Variants in EEA1 observed in about 807,000 individuals in gnomAD.
EEA1 encodes the protein early endosome antigen 1, 162kD.
EEA1 carries 111 observed loss-of-function variants against 209.2 expected under a neutral mutation model. The ratio of observed to expected loss-of-function variants is 0.53; its 90% CI spans 0.45 to 0.62. The LOEUF (loss-of-function observed/expected upper bound fraction) is 0.62, where lower values mean the gene tolerates loss of function less well. Ranked by LOEUF, EEA1 falls within the 20% of genes least tolerant of loss-of-function variation. The pLI, the probability that EEA1 is intolerant of heterozygous loss-of-function variation, is 0.00. For synonymous variants in EEA1, 536 were observed against 540.6 expected (o/e 0.99, Z 0.12); for missense variants, 1,343 against 1,530.8 (o/e 0.88, Z 2.05).
Position 92,776,825 on chromosome 12 carries a change from C to T in EEA1, c.4113+19G>A, listed in dbSNP as rs1369600918. ...CAAATGAAATCCAGAAACATAGTTA[C>T]ATGAACAAAATTATTTACCCGTCTC... On this transcript the variant is annotated intron_variant, in intron 28 of 28. Coordinates refer to ENST00000322349, the MANE Select transcript of EEA1 (RefSeq NM_003566.4). 1 of 1,600,968 alleles carries T rather than the reference C, an allele frequency of 6.2e-7. No homozygotes were observed. The highest frequency in any genetic ancestry group is 1.7e-5 in the Admixed American group (1 of 59,760).
intron 2 of EEA1, among the ~76,000 whole-genome samples, chr12:92,869,006 A>T (rs2136728181): frequency 1.7e-4 from 4 of 23,434 alleles, no homozygotes; most frequent in South Asian, 4.5e-3. Flanking sequence ...TGGGTAGATT[A>T]AAAAAAAAAG....
intron 19 of EEA1, among the ~76,000 whole-genome samples, chr12:92,801,934 T>C (rs1304373873): frequency 1.3e-5 from 2 of 151,944 alleles, no homozygotes; most frequent in African/African-American, 4.8e-5. Flanking sequence ...CAATGGCATA[T>C]TTTAAACATT....
chr12:92,846,832 T>C (rs536579837), intron 9 of EEA1, among the ~76,000 whole-genome samples: 52 of 152,370 alleles, frequency 3.4e-4, no homozygotes, highest in African/African-American at 1.2e-3. Flanking sequence ...CCAGATTATG[T>C]ATCTTCAGCC....
intron 2 of EEA1, among the ~76,000 whole-genome samples, chr12:92,881,870 C>T (rs954270944): frequency 6.6e-6 from 1 of 152,114 alleles, no homozygotes; most frequent in Non-Finnish European, 1.5e-5. Context: ...CCTCGAACAC[C>T]GCAAGTTTGA....
chr12:92,857,974 T>A (rs147506269), intron 3 of EEA1: 1 of 292,000 alleles, frequency 3.4e-6, no homozygotes, highest in Non-Finnish European at 6.5e-6. Flanking sequence ...TACGCCCTGA[T>A]ACTGCGCACT....
Position 92,919,615 on chromosome 12 carries a change from A to C in EEA1, c.24+9428T>G, listed in dbSNP as rs1381069591. Among the ~76,000 whole-genome samples the C allele has an allele frequency of 1.0e-4, 15 of 149,798 alleles. No individual in the cohort carries two copies. The East Asian group carries it at 1.4e-3, about 14-fold the overall frequency. ...CGTATTTCAAAATAATAAGAGCTAT[A>C]TATGACAAACCCACAGCCAATATCA... On this transcript the variant is annotated intron_variant, in intron 1 of 28. Transcript: ENST00000322349.
chr12:92,776,183 A>G, intron 28 of EEA1, 50 bp from the exon 29 acceptor site: 2 of 1,541,002 alleles, frequency 1.3e-6, no homozygotes, highest in Non-Finnish European at 1.8e-6. Flanking sequence ...CTATACCAAA[A>G]GTATTATGAA....
chr12:92,848,722 C>CA (rs1877483861), intron 9 of EEA1, among the ~76,000 whole-genome samples: 1 of 64,574 alleles, frequency 1.5e-5, no homozygotes, highest in Non-Finnish European at 2.7e-5. Flanking sequence ...ATATTCTCAC[C>CA]TTTTTTTTTT....
chr12:92,904,537 G>T (rs1880288201), intron 1 of EEA1, among the ~76,000 whole-genome samples: 1 of 152,088 alleles, frequency 6.6e-6, no homozygotes, highest in South Asian at 2.1e-4. Flanking sequence ...CAGACTAAGG[G>T]ATCAGTCCCT....
At chr12:92,920,989 C>T (rs1373469699) in intron 1 of EEA1, among the ~76,000 whole-genome samples, 2 of 151,184 alleles carry the variant, frequency 1.3e-5, no homozygotes, top group Admixed American at 6.6e-5. Context: ...CCAAAAAACA[C>T]ATGAAAAAAT....
At chr12:92,857,950 G>A (rs1877957580) in intron 3 of EEA1, 2 of 232,284 alleles carry the variant, frequency 8.6e-6, no homozygotes, top group Non-Finnish European at 8.3e-6. Flanking sequence ...GGTTCACTCT[G>A]CACCACCATT....
chr12:92,887,099 A>G (rs900677237), intron 2 of EEA1, among the ~76,000 whole-genome samples: 15 of 152,222 alleles, frequency 9.9e-5, no homozygotes, highest in African/African-American at 3.6e-4. Context: ...ATGGCATATT[A>G]AACAGCAGGT....
chr12:92,798,929 G>A lies in EEA1; in HGVS notation c.2930C>T (p.Ala977Val). The A allele has an allele frequency of 6.2e-7, 1 of 1,610,474 alleles. No individual in the cohort carries two copies. Residue 977 changes from alanine (A) to valine (V), a missense_variant, in exon 21 of 29, where the codon GCA becomes GTA. Physicochemically the swap from Ala to Val is moderately conservative, Grantham distance 64. This residue lies in a region of EEA1 where 1,307 missense variants were observed against 1,465.5 expected (regional missense o/e 0.89). Transcript: ENST00000322349. The stretch of plus-strand genomic sequence containing the variant: ...AGCAATTTTAAGCTCTCCTTGGAGT[G>A]CTTCAATTTGTTTTTTCTTCTGTTC... ...SSEQKKKQIE[A>V]LQGELKIAVL... is the part of the protein sequence containing the mutation.
chr12:92,898,731 CTTTTTTTTTTTTTTTTT>C (rs772593153), intron 1 of EEA1, among the ~76,000 whole-genome samples: 3 of 76,114 alleles, frequency 3.9e-5, no homozygotes, highest in Admixed American at 1.6e-4. Context: ...CTTTTTTTCC[CTTTTTTTTTTTTTTTTT>C]TTTTTTTTTT....
intron 2 of EEA1, chr12:92,883,850 C>A: frequency 6.2e-7 from 1 of 1,603,294 alleles, no homozygotes; most frequent in South Asian, 1.1e-5. Flanking sequence ...TTTAAAACAA[C>A]CGATGAGAGC....
chr12:92,913,684 A>T (rs552015760), intron 1 of EEA1, among the ~76,000 whole-genome samples: 2 of 152,130 alleles, frequency 1.3e-5, no homozygotes, highest in Non-Finnish European at 2.9e-5. Context: ...TTTTTGAGGC[A>T]GAGTCTTGCT....
At chr12:92,912,987 A>C (rs1262333092) in intron 1 of EEA1, among the ~76,000 whole-genome samples, 1 of 152,196 alleles carries the variant, frequency 6.6e-6, no homozygotes, top group East Asian at 1.9e-4. Context: ...TGTGGTGCAA[A>C]GTGCCATGAT....
intron 21 of EEA1, among the ~76,000 whole-genome samples, chr12:92,793,036 T>C (rs1473121866): frequency 6.6e-6 from 1 of 152,052 alleles, no homozygotes; most frequent in East Asian, 1.9e-4. Flanking sequence ...AAAAACCACA[T>C]GGTATCTCAA....
At chr12:92,837,200 A>C (rs1051396346) in intron 10 of EEA1, among the ~76,000 whole-genome samples, 1 of 151,776 alleles carries the variant, frequency 6.6e-6, no homozygotes, top group Non-Finnish European at 1.5e-5. Flanking sequence ...CACTTTTATT[A>C]TTTTATTAAT....
Sources: allele counts gnomAD v4.1 joint callset (sites outside exome capture counted in the v4.1 genomes callset), GRCh38; gene constraint gnomAD v4.1.1; regional missense constraint gnomAD v4.1.1; transcripts MANE v1.5; gene names NCBI Gene and HGNC (gene_info 2026-07-23, HGNC 2026-07-21).